SPAG16: variants seen among roughly 807,000 people sequenced by gnomAD.
SPAG16 encodes sperm associated antigen 16, also known as sperm-associated antigen 16 protein.
A neutral mutation model predicts 80.4 loss-of-function variants in SPAG16; 86 were observed. The ratio of observed to expected loss-of-function variants is 1.07; its 90% CI spans 0.90 to 1.28. The LOEUF (loss-of-function observed/expected upper bound fraction) is 1.28, where lower values mean the gene tolerates loss of function less well. SPAG16 is among the 50% of genes most tolerant of loss of function. The pLI is 0.00. For missense variants in SPAG16, 870 were observed against 765.3 expected (o/e 1.14, Z -1.61); for synonymous variants, 294 against 265.9 (o/e 1.11, Z -1.03).
At chr2:214,232,105 C>T (rs1351375851) in intron 15 of SPAG16, among the ~76,000 whole-genome samples, 3 of 151,894 alleles carry the variant, frequency 2.0e-5, no homozygotes, top group African/African-American at 7.2e-5. Flanking sequence ...CTACCCTGCA[C>T]TAACAGCTAT....
intron 15 of SPAG16, among the ~76,000 whole-genome samples, chr2:214,285,887 G>C (rs531913622): frequency 6.6e-6 from 1 of 152,246 alleles, no homozygotes; most frequent in African/African-American, 2.4e-5. Context: ...CACTTTCCTA[G>C]TTTTGCTTTT....
chr2:214,054,342 A>C (rs1388387966), intron 13 of SPAG16, among the ~76,000 whole-genome samples: 3 of 152,188 alleles, frequency 2.0e-5, no homozygotes, highest in East Asian at 1.9e-4. Context: ...CTAAAACCCT[A>C]TATCTCCTTA....
rs529122660 is a variant in SPAG16, at chr2:213,853,289, T to G, written c.1071-9196T>G. 2.6e-5 allele frequency among the ~76,000 whole-genome samples: 4 copies of G among 152,314 alleles called. No homozygotes were observed. The South Asian group carries it at 6.2e-4, about 24-fold the overall frequency. The stretch of plus-strand genomic sequence containing the variant: ...AACAGTGGATTCTTATGTCACTGAC[T>G]CTACTGATAATTAATAGTGTTCACC... On this transcript the variant is annotated intron_variant, in intron 10 of 15. Coordinates refer to ENST00000331683, the MANE Select transcript of SPAG16 (RefSeq NM_024532.5).
chr2:214,341,291 T>C (rs1043089954), intron 15 of SPAG16, among the ~76,000 whole-genome samples: 8 of 152,116 alleles, frequency 5.3e-5, no homozygotes, highest in Non-Finnish European at 1.0e-4. Context: ...AGGTTTAATA[T>C]TCATTCAACA....
At chr2:213,943,145 C>T (rs997282676) in intron 12 of SPAG16, among the ~76,000 whole-genome samples, 2 of 152,044 alleles carry the variant, frequency 1.3e-5, no homozygotes, top group African/African-American at 4.8e-5. Context: ...TTAAATCACC[C>T]CGTCTGTGGT....
At chr2:213,992,846 A>G (rs1209373732) in intron 12 of SPAG16, among the ~76,000 whole-genome samples, 1 of 152,228 alleles carries the variant, frequency 6.6e-6, no homozygotes, top group Non-Finnish European at 1.5e-5. Flanking sequence ...CTTATAATAC[A>G]GATGTCTAAT....
chr2:214,068,149 A>T (rs2050618854), intron 13 of SPAG16, among the ~76,000 whole-genome samples: 1 of 152,126 alleles, frequency 6.6e-6, no homozygotes, highest in Admixed American at 6.6e-5. Context: ...TCTATCAATC[A>T]GTTCTTAAAA....
At chr2:213,741,600 A>C (rs2067558029) in intron 10 of SPAG16, among the ~76,000 whole-genome samples, 1 of 152,152 alleles carries the variant, frequency 6.6e-6, no homozygotes, top group Non-Finnish European at 1.5e-5. Context: ...TATAATGTTG[A>C]TTTCAGATTT....
At chr2:214,196,282 A>G (rs2125709032) in intron 15 of SPAG16, among the ~76,000 whole-genome samples, 1 of 152,152 alleles carries the variant, frequency 6.6e-6, no homozygotes, top group African/African-American at 2.4e-5. Context: ...GAGCCTTGGC[A>G]TCTTAAGATC....
chr2:214,082,465 T>C (rs999291770), intron 13 of SPAG16, among the ~76,000 whole-genome samples: 4 of 152,206 alleles, frequency 2.6e-5, no homozygotes, highest in African/African-American at 9.6e-5. Flanking sequence ...TAGGATATGA[T>C]TGCCCTGCTT....
At chr2:213,775,194 A>C (rs1402912731) in intron 10 of SPAG16, among the ~76,000 whole-genome samples, 1 of 152,148 alleles carries the variant, frequency 6.6e-6, no homozygotes, top group Non-Finnish European at 1.5e-5. Flanking sequence ...TTTGTTTTAA[A>C]AATTTTCTTT....
At chr2:213,845,070 CTAAATGCTGT>C (rs1342182324) in intron 10 of SPAG16, among the ~76,000 whole-genome samples, 18 of 152,062 alleles carry the variant, frequency 1.2e-4, no homozygotes, top group Admixed American at 2.0e-4. Context: ...GACTGTGATT[CTAAATGCTGT>C]CATTTCTAAA....
At chr2:213,943,301 A>G (rs888021783) in intron 12 of SPAG16, among the ~76,000 whole-genome samples, 3 of 152,184 alleles carry the variant, frequency 2.0e-5, no homozygotes, top group African/African-American at 7.2e-5. Context: ...GTGCATGCTA[A>G]AAGAATATAA....
chr2:213,290,779 T>C (rs899133778), intron 1 of SPAG16, among the ~76,000 whole-genome samples: 2 of 152,036 alleles, frequency 1.3e-5, no homozygotes, highest in African/African-American at 4.8e-5. Flanking sequence ...AGAACCAGAG[T>C]GTACAGAGTT....
At chr2:213,834,016 C>A (rs1476732121) in intron 10 of SPAG16, among the ~76,000 whole-genome samples, 1 of 152,004 alleles carries the variant, frequency 6.6e-6, no homozygotes, top group Admixed American at 6.6e-5. Context: ...ATCGTGGGGG[C>A]TGGTCCTTCC....
At position 214,110,464 on chromosome 2, in the gene SPAG16, G is replaced by A. The variant is rs541014120; in HGVS notation, c.1593+2203G>A. Among the ~76,000 whole-genome samples the A allele has an allele frequency of 2.8e-4, 42 of 152,216 alleles. 1 individual carries two copies. The highest frequency in any genetic ancestry group is 9.2e-4 in the Admixed American group (14 of 15,284). ...ACCCATGTCCCTGCAAAGGACATGA[G>A]CTCATCCTTTTTTATGGCTGCATAG... On this transcript the variant is annotated intron_variant, in intron 14 of 15. Transcript: ENST00000331683.
intron 1 of SPAG16, among the ~76,000 whole-genome samples, chr2:213,292,256 T>G (rs1478214828): frequency 6.6e-6 from 1 of 152,216 alleles, no homozygotes; most frequent in Non-Finnish European, 1.5e-5. Flanking sequence ...GACATACAAA[T>G]GACCGCTTAC....
At chr2:214,087,090 T>G (rs2051820213) in intron 13 of SPAG16, among the ~76,000 whole-genome samples, 1 of 152,184 alleles carries the variant, frequency 6.6e-6, no homozygotes, top group Non-Finnish European at 1.5e-5. Context: ...AGTTCTGTCT[T>G]GATATATCAG....
chr2:214,256,333 T>G (rs865867975), intron 15 of SPAG16, among the ~76,000 whole-genome samples: 1 of 151,918 alleles, frequency 6.6e-6, no homozygotes, highest in Non-Finnish European at 1.5e-5. Flanking sequence ...CTTAGTTATT[T>G]ATTGTAGACA....
Sources: allele counts gnomAD v4.1 joint callset (sites outside exome capture counted in the v4.1 genomes callset), GRCh38; gene constraint gnomAD v4.1.1; transcripts MANE v1.5; gene names NCBI Gene and HGNC (gene_info 2026-07-23, HGNC 2026-07-21).